Variants in ZMYM4 observed in about 807,000 individuals in gnomAD.
The protein encoded by ZMYM4 is zinc finger MYM-type containing 4.
ZMYM4 carries 31 observed loss-of-function variants against 183.2 expected under a neutral mutation model. The observed-to-expected ratio is 0.17, with a 90% CI of 0.13 to 0.23. The LOEUF is 0.23. Ranked by LOEUF, ZMYM4 falls within the 10% of genes least tolerant of loss-of-function variation. The pLI is 1.00. For missense variants in ZMYM4, 1,273 were observed against 1,840.3 expected (o/e 0.69, Z 5.64); for synonymous variants, 592 against 631.2 (o/e 0.94, Z 0.93).
intron 5 of ZMYM4, among the ~76,000 whole-genome samples, chr1:35,363,151 A>G (rs886549110): frequency 4.6e-5 from 7 of 152,156 alleles, no homozygotes; most frequent in Non-Finnish European, 1.0e-4. Context: ...GGCTTGGATG[A>G]CAGAGTGAGA....
chr1:35,383,072 A>G (rs11264147), intron 9 of ZMYM4, among the ~76,000 whole-genome samples: 4,959 of 152,294 alleles, frequency 0.033, 261 homozygotes, highest in East Asian at 0.24. Context: ...TGTGGATTAT[A>G]TATTTGTGAA....
intron 13 of ZMYM4, among the ~76,000 whole-genome samples, chr1:35,388,091 C>T (rs969728494): frequency 9.9e-5 from 15 of 152,226 alleles, no homozygotes; most frequent in Non-Finnish European, 1.9e-4. Context: ...TACTCTAAAG[C>T]TGTATTAGCC....
chr1:35,283,490 A>G (rs1640302289), intron 1 of ZMYM4, among the ~76,000 whole-genome samples: 1 of 150,242 alleles, frequency 6.7e-6, no homozygotes, highest in Non-Finnish European at 1.5e-5. Context: ...GGCGCCCACC[A>G]CCACACCCGG....
intron 1 of ZMYM4, among the ~76,000 whole-genome samples, chr1:35,284,123 C>A (rs1640346629): frequency 6.6e-6 from 1 of 151,784 alleles, no homozygotes; most frequent in Admixed American, 6.6e-5. Flanking sequence ...ACTACAGGTG[C>A]CCGCCACCGC....
At chr1:35,381,227 C>A in intron 7 of ZMYM4, 32 bp from the exon 8 acceptor site, 1 of 1,509,928 alleles carries the variant, frequency 6.6e-7, no homozygotes, top group South Asian at 1.3e-5. Context: ...TGAATTATAC[C>A]ATGGCTTATG....
At chr1:35,307,041 T>C (rs1641564620) in intron 1 of ZMYM4, among the ~76,000 whole-genome samples, 1 of 152,246 alleles carries the variant, frequency 6.6e-6, no homozygotes, top group Non-Finnish European at 1.5e-5. Flanking sequence ...TAGGCAAATA[T>C]GCAATAAATT....
chr1:35,378,113 A>G (rs1644373751), intron 7 of ZMYM4, among the ~76,000 whole-genome samples: 5 of 152,206 alleles, frequency 3.3e-5, no homozygotes, highest in Admixed American at 3.3e-4. Flanking sequence ...TTCAAGTTTT[A>G]TCATGAGATT....
At chr1:35,322,074 T>G (rs1408187405) in intron 1 of ZMYM4, among the ~76,000 whole-genome samples, 1 of 152,184 alleles carries the variant, frequency 6.6e-6, no homozygotes, top group Non-Finnish European at 1.5e-5. Context: ...AGATATACTA[T>G]TGGGTTTTTT....
At chr1:35,277,038 A>AT (rs1639912740) in intron 1 of ZMYM4, among the ~76,000 whole-genome samples, 1 of 152,182 alleles carries the variant, frequency 6.6e-6, no homozygotes, top group Non-Finnish European at 1.5e-5. Context: ...TTGTTATGGT[A>AT]TTTAACATGT....
At chr1:35,418,042 G>A (rs1435424543) in intron 28 of ZMYM4, among the ~76,000 whole-genome samples, 1 of 151,792 alleles carries the variant, frequency 6.6e-6, no homozygotes, top group Non-Finnish European at 1.5e-5. Flanking sequence ...CTTCTGTCTT[G>A]ATCTCTACTG....
At chr1:35,407,979 T>C (rs1639692988) in intron 25 of ZMYM4, 29 bp from the exon 26 acceptor site, 1 of 1,613,524 alleles carries the variant, frequency 6.2e-7, no homozygotes, top group Non-Finnish European at 8.5e-7. Flanking sequence ...TAAAAGTTAA[T>C]GTTTCAGATG....
chr1:35,274,256 C>A (rs1409239029), intron 1 of ZMYM4, among the ~76,000 whole-genome samples: 1 of 152,100 alleles, frequency 6.6e-6, no homozygotes, highest in African/African-American at 2.4e-5. Context: ...TACAGTGATT[C>A]TGCATTGTTT....
At chr1:35,297,048 C>T (rs141724154) in intron 1 of ZMYM4, among the ~76,000 whole-genome samples, 4,286 of 152,046 alleles carry the variant, frequency 0.028, 94 homozygotes, top group South Asian at 0.063. Flanking sequence ...CGGAGTTTCA[C>T]CATGTTGGTC....
At position 35,387,079 on chromosome 1, in the gene ZMYM4, C is replaced by G; in HGVS notation, c.1913C>G (p.Pro638Arg). ...LSQGQVIVSI[P>R]TGSTVSAGGG... The stretch of plus-strand genomic sequence containing the variant: ...CAGGGCCAAGTAATTGTAAGCATCC[C>G]CACAGGTTCCACAGTGTCAGCCGGA... The change falls in exon 12 of 30, where the codon CCC (proline) becomes CGC (arginine). Residue 638 changes from proline (P) to arginine (R), a missense_variant. Pro to Arg is a moderately radical substitution (Grantham distance 103, BLOSUM62 -2). Around this residue, in one of 6 missense-constraint regions of ZMYM4, gnomAD observed 319 missense variants for 518.1 expected, o/e 0.62. Transcript: ENST00000314607. The G allele has an allele frequency of 6.2e-7, 1 of 1,614,212 alleles. No individual in the cohort carries two copies.
chr1:35,346,667 A>G (rs1050394761), intron 2 of ZMYM4, among the ~76,000 whole-genome samples: 92 of 151,456 alleles, frequency 6.1e-4, no homozygotes, highest in Admixed American at 3.3e-3. Flanking sequence ...AAAAAAAAAA[A>G]AAAGAAAAAA....
At chr1:35,288,016 A>G (rs1050129858) in intron 1 of ZMYM4, among the ~76,000 whole-genome samples, 14 of 152,186 alleles carry the variant, frequency 9.2e-5, no homozygotes, top group African/African-American at 2.7e-4. Flanking sequence ...TATTATCTCT[A>G]TTAGTTACTG....
At chr1:35,318,833 A>C (rs903271107) in intron 1 of ZMYM4, among the ~76,000 whole-genome samples, 1 of 152,172 alleles carries the variant, frequency 6.6e-6, no homozygotes, top group African/African-American at 2.4e-5. Context: ...TAGTAAGCAA[A>C]TATTAGTTAT....
intron 2 of ZMYM4, among the ~76,000 whole-genome samples, chr1:35,327,245 T>G (rs1396471555): frequency 6.6e-6 from 1 of 152,212 alleles, no homozygotes; most frequent in African/African-American, 2.4e-5. Context: ...TTAACTAGCT[T>G]CTTTTATACA....
intron 1 of ZMYM4, among the ~76,000 whole-genome samples, chr1:35,302,699 T>C (rs917275231): frequency 6.6e-6 from 1 of 151,974 alleles, no homozygotes; most frequent in Non-Finnish European, 1.5e-5. Context: ...TTGACTATTT[T>C]TTTGTAGAGA....
Sources: allele counts gnomAD v4.1 joint callset (sites outside exome capture counted in the v4.1 genomes callset), GRCh38; gene constraint gnomAD v4.1.1; regional missense constraint gnomAD v4.1.1; transcripts MANE v1.5; gene names NCBI Gene and HGNC (gene_info 2026-07-23, HGNC 2026-07-21).